Variants in MN1 observed in about 807,000 individuals in gnomAD.
MN1 encodes MN1 proto-oncogene, transcriptional regulator, also known as transcriptional activator MN1.
A neutral mutation model predicts 86.9 loss-of-function variants in MN1; 19 were observed. The observed-to-expected ratio is 0.22, with a 90% confidence interval of 0.15 to 0.32. MN1 has a LOEUF of 0.32. MN1 is among the 10% of genes least tolerant of loss of function. The probability of loss-of-function intolerance (pLI) is 1.00; values close to 1 mark genes in which losing one functional copy is unlikely to be tolerated. For missense variants in MN1, 1,841 were observed against 1,862.0 expected (o/e 0.99, Z 0.21); for synonymous variants, 928 against 849.6 (o/e 1.09, Z -1.60).
In MN1 at chr22:27,798,452, G is replaced by A; in HGVS notation, c.2092C>T (p.Pro698Ser). The A allele has an allele frequency of 6.4e-7, 1 of 1,563,422 alleles. No homozygotes were observed. Among genetic ancestry groups the A allele is most frequent in the Non-Finnish European group, 8.6e-7 (1 of 1,164,076 alleles). ...GEGHVPALPS[P>S]GLQFGGSLGG... ...AGACTGCCCCCGAACTGCAGGCCCG[G>A]TGAAGGCAGCGCGGGCACGTGGCCC... The change falls in exon 1 of 2, where the codon CCG (proline) becomes TCG (serine). Residue 698 changes from proline (P) to serine (S), a missense_variant. Physicochemically the swap from Pro to Ser is moderately conservative, Grantham distance 74. Coordinates refer to ENST00000302326, the MANE Select transcript of MN1 (RefSeq NM_002430.3).
chr22:27,798,679 G>A lies in MN1; in HGVS notation c.1865C>T (p.Ala622Val), dbSNP rs754046360. 5 of 1,542,170 alleles carry A rather than the reference G, an allele frequency of 3.2e-6. No homozygotes were observed. Among genetic ancestry groups the A allele is most frequent in the Non-Finnish European group, 4.3e-6 (5 of 1,151,826 alleles). ...CGCGCTCTCTTGCGCCAAGTGCGGC[G>A]CCTGCTGCTCGAAGGTGCCCAGACG... The part of the protein sequence containing the change: ...AGRLGTFEQQ[A>V]PHLAQESAWF... The change falls in exon 1 of 2, where the codon GCG becomes GTG. Residue 622 changes from alanine to valine, a missense_variant. Coordinates refer to ENST00000302326, the MANE Select transcript of MN1 (RefSeq NM_002430.3).
Position 27,795,328 on chromosome 22 carries a change from G to A in MN1, c.3781+1435C>T, listed in dbSNP as rs1933275914. Among the ~76,000 whole-genome samples, 3 of 152,100 alleles carry A rather than the reference G, an allele frequency of 2.0e-5. No individual in the cohort carries two copies. In the South Asian group the frequency reaches 6.2e-4, roughly 32 times the overall value. The stretch of plus-strand genomic sequence containing the variant: ...GGGATGCGCGCCTTGAAAGCCCCAA[G>A]TTCTGAACCACCCAACTCCCAGCCC... On this transcript the variant is annotated intron_variant, in intron 1 of 1. Coordinates refer to ENST00000302326, the MANE Select transcript of MN1 (RefSeq NM_002430.3).
chr22:27,773,123 G>A (rs944471293), intron 1 of MN1, among the ~76,000 whole-genome samples: 6 of 147,496 alleles, frequency 4.1e-5, no homozygotes, highest in Admixed American at 2.0e-4. Flanking sequence ...CCCAGCCCCC[G>A]AGGAGCCCCA....
chr22:27,775,177 A>G (rs1932961266), intron 1 of MN1, among the ~76,000 whole-genome samples: 1 of 152,228 alleles, frequency 6.6e-6, no homozygotes, highest in African/African-American at 2.4e-5. Flanking sequence ...CCACAGCGGT[A>G]GCTGCTTCAC....
chr22:27,797,433 A>C lies in MN1; in HGVS notation c.3111T>G (p.Ser1037Arg), dbSNP rs1255407757. The C allele has an allele frequency of 3.7e-6, 6 of 1,609,114 alleles. No homozygotes were observed. Among genetic ancestry groups the C allele is most frequent in the Non-Finnish European group, 5.1e-6 (6 of 1,178,140 alleles). ...AGGCGAACTCACCCACGTTTGGCGA[A>C]CTACTGTCCGACTTGGCCCCGCCGT... ...SLDGGAKSDS[S>R]SPNVGEFASD... Residue 1037 changes from serine (S) to arginine (R), a missense_variant, in exon 1 of 2, where the codon AGT becomes AGG. Transcript: ENST00000302326.
chr22:27,785,611 G>A (rs1373255250), intron 1 of MN1, among the ~76,000 whole-genome samples: 1 of 152,192 alleles, frequency 6.6e-6, no homozygotes, highest in Non-Finnish European at 1.5e-5. Context: ...GAGCGTGGGG[G>A]CTCTTGCAAC....
chr22:27,761,115 T>C (rs769785435), intron 1 of MN1, among the ~76,000 whole-genome samples: 3 of 152,182 alleles, frequency 2.0e-5, no homozygotes, highest in East Asian at 1.9e-4. Flanking sequence ...GGAAACATCA[T>C]TGGCCAAAGT....
At chr22:27,772,211 C>T (rs777195675) in intron 1 of MN1, among the ~76,000 whole-genome samples, 45 of 152,336 alleles carry the variant, frequency 3.0e-4, no homozygotes, top group Non-Finnish European at 5.9e-4. Context: ...AGACTCAGCC[C>T]TCAGCCCAGC....
At chr22:27,769,136 G>A (rs540511184) in intron 1 of MN1, among the ~76,000 whole-genome samples, 10 of 152,178 alleles carry the variant, frequency 6.6e-5, no homozygotes, top group South Asian at 2.1e-4. Context: ...TCAACCACGC[G>A]GGGCTCCCAC....
intron 1 of MN1, among the ~76,000 whole-genome samples, chr22:27,776,707 G>A (rs1176912614): frequency 6.6e-6 from 1 of 151,994 alleles, no homozygotes; most frequent in African/African-American, 2.4e-5. Context: ...CTGGCATGCT[G>A]GAATATAAAT....
chr22:27,776,194 G>A (rs1205961310), intron 1 of MN1, among the ~76,000 whole-genome samples: 9 of 152,260 alleles, frequency 5.9e-5, no homozygotes, highest in East Asian at 1.9e-4. Context: ...CCTCTCTCCC[G>A]GCTCTTCCTG....
chr22:27,778,859 A>G (rs1443424026), intron 1 of MN1, among the ~76,000 whole-genome samples: 1 of 152,252 alleles, frequency 6.6e-6, no homozygotes, highest in Non-Finnish European at 1.5e-5. Context: ...GCTGAAGCCC[A>G]GACCACAGCG....
At position 27,801,542 on chromosome 22, in the gene MN1, G is replaced by A; in HGVS notation, c.-999C>T. ...CCTCTCGGACCTGAGGGAGGGGGGC[G>A]TACGCGGGTCGGGGGGCCACGCCGG... On this transcript the variant is annotated 5_prime_UTR_variant, in exon 1 of 2. In the 5' UTR this introduces an upstream ATG that the reference lacks. Coordinates refer to ENST00000302326, the MANE Select transcript of MN1 (RefSeq NM_002430.3). 5.6e-6 allele frequency: 1 copy of A among 178,904 alleles called. No homozygotes were observed. Among genetic ancestry groups the A allele is most frequent in the Non-Finnish European group, 1.2e-5 (1 of 83,516 alleles). The allele number at this position is 178,904 out of a possible 1,614,324, so 11.1% of individuals were successfully genotyped here. A position where few individuals can be genotyped will look rare whatever the true frequency, so the allele number is the denominator to read the frequency against.
rs946890231 is a variant in MN1 at position 27,775,256 on chromosome 22, G to A, written c.3781+21507C>T. ...CTCCAACCTGGCCCCCCGCCCTTTC[G>A]ATGGCTACAGAATGATGGAAGGAAT... On this transcript the variant is annotated intron_variant, in intron 1 of 1. Transcript: ENST00000302326. Among the ~76,000 whole-genome samples, 7 of 152,282 alleles carry A rather than the reference G, an allele frequency of 4.6e-5. No individual in the cohort carries two copies. In the South Asian group the frequency reaches 6.2e-4, roughly 14 times the overall value.
chr22:27,751,152 C>A, intron 1 of MN1, 56 bp from the exon 2 acceptor site: 1 of 1,454,802 alleles, frequency 6.9e-7, no homozygotes, highest in Non-Finnish European at 9.2e-7. Flanking sequence ...CTGAGGGACA[C>A]CATAATGGGG....
intron 1 of MN1, among the ~76,000 whole-genome samples, chr22:27,793,959 C>T (rs1413154351): frequency 6.6e-6 from 1 of 151,934 alleles, no homozygotes. Context: ...AATAAAATAT[C>T]ATTACAAAAA....
At chr22:27,795,131 A>G (rs756123149) in intron 1 of MN1, among the ~76,000 whole-genome samples, 93 of 152,270 alleles carry the variant, frequency 6.1e-4, no homozygotes, top group Admixed American at 1.5e-3. Flanking sequence ...GCCTGGGAGA[A>G]GCCTGGAGAA....
chr22:27,769,606 G>A (rs1450744025), intron 1 of MN1, among the ~76,000 whole-genome samples: 1 of 112,880 alleles, frequency 8.9e-6, no homozygotes, highest in Non-Finnish European at 1.6e-5. Flanking sequence ...AGGCTGGAGT[G>A]CAGTGGCGCA....
At position 27,750,836 on chromosome 22, in the gene MN1, G is replaced by T. The variant is rs956645390; in HGVS notation, c.*79C>A. 4 of 1,280,680 alleles carry T rather than the reference G, an allele frequency of 3.1e-6. No individual in the cohort carries two copies. The African/African-American group carries it at 6.0e-5, about 19-fold the overall frequency. The allele number at this position is 1,280,680 out of a possible 1,614,324, so 79.3% of individuals were successfully genotyped here. A position where few individuals can be genotyped will look rare whatever the true frequency, so the allele number is the denominator to read the frequency against. ...AGTGGCCCTTTCAAATTAACAGAGG[G>T]GTGGGGTAAGGTTGAGGGGGAAGGA... On this transcript the variant is annotated 3_prime_UTR_variant, in exon 2 of 2. Coordinates refer to ENST00000302326, the MANE Select transcript of MN1 (RefSeq NM_002430.3).
Sources: gnomAD v4.1 joint callset for allele counts (sites outside exome capture counted in the v4.1 genomes callset) on GRCh38, gnomAD v4.1.1 for gene constraint, MANE v1.5 for transcripts, NCBI Gene and HGNC (gene_info 2026-07-23, HGNC 2026-07-21) for gene names.